Variants in KCNJ15 observed in about 807,000 individuals in gnomAD.
The protein encoded by KCNJ15 is ATP-sensitive inward rectifier potassium channel 15.
In KCNJ15, 14 loss-of-function variants were observed where a neutral mutation model predicts 23.0. The ratio of observed to expected loss-of-function variants is 0.61; its 90% CI spans 0.40 to 0.95. The LOEUF (loss-of-function observed/expected upper bound fraction) is 0.95, where lower values mean the gene tolerates loss of function less well. Ranked by LOEUF, KCNJ15 falls within the 40% of genes least tolerant of loss-of-function variation. The probability of loss-of-function intolerance (pLI) is 0.00; values close to 1 mark genes in which losing one functional copy is unlikely to be tolerated. For synonymous variants in KCNJ15, 185 were observed against 183.2 expected, an observed-to-expected ratio of 1.01 and a Z score of -0.08; for missense variants, 388 against 461.8, an observed-to-expected ratio of 0.84 and a Z score of 1.46.
At chr21:38,243,331 A>G (rs184536877) in intron 1 of KCNJ15, among the ~76,000 whole-genome samples, 1 of 152,256 alleles carries the variant, frequency 6.6e-6, no homozygotes, top group Non-Finnish European at 1.5e-5. Context: ...TTTCCCCAGA[A>G]AGCCTGTTTC....
chr21:38,230,126 T>C (rs1428452191), intron 1 of KCNJ15, among the ~76,000 whole-genome samples: 1 of 152,214 alleles, frequency 6.6e-6, no homozygotes, highest in African/African-American at 2.4e-5. Flanking sequence ...ATTTTTCTTT[T>C]TTTTAATGTT....
intron 1 of KCNJ15, among the ~76,000 whole-genome samples, chr21:38,292,559 A>G (rs1984712956): frequency 1.3e-5 from 2 of 152,324 alleles, no homozygotes; most frequent in Middle Eastern, 3.4e-3. Flanking sequence ...CACCTTTTCT[A>G]TGTTGTTCTT....
At chr21:38,282,477 C>T (rs1006332956) in intron 1 of KCNJ15, among the ~76,000 whole-genome samples, 2 of 152,128 alleles carry the variant, frequency 1.3e-5, no homozygotes, top group Admixed American at 1.3e-4. Flanking sequence ...CAAGATAGAA[C>T]ATTGTGGCAT....
chr21:38,304,366 T>C lies in KCNJ15; in HGVS notation c.*3977T>C, dbSNP rs1168386468. 6.6e-6 allele frequency: 1 copy of C among 151,278 alleles called. No homozygotes were observed. The highest frequency in any genetic ancestry group is 2.4e-5 in the African/African-American group (1 of 41,174). The allele number at this position is 151,278 out of a possible 1,614,324, so 9.4% of individuals were successfully genotyped here. ...ACATGCGGTGTTTGGTTTTCTGTCC[T>C]TGAGATAGTTTGCTGAGAATGATGG... On this transcript the variant is annotated 3_prime_UTR_variant, in exon 3 of 3. Coordinates refer to ENST00000398938, the MANE Select transcript of KCNJ15 (RefSeq NM_170736.3).
chr21:38,231,667 C>T (rs1441687013), intron 1 of KCNJ15, among the ~76,000 whole-genome samples: 1 of 150,306 alleles, frequency 6.7e-6, no homozygotes, highest in Non-Finnish European at 1.5e-5. Context: ...TTTTTTTTAT[C>T]ATAAATGGAT....
At chr21:38,238,920 T>C (rs947908996) in intron 1 of KCNJ15, among the ~76,000 whole-genome samples, 3 of 152,224 alleles carry the variant, frequency 2.0e-5, no homozygotes, top group African/African-American at 7.2e-5. Context: ...TGCTCCCTGC[T>C]TAAAAATAAT....
intron 1 of KCNJ15, among the ~76,000 whole-genome samples, chr21:38,244,455 C>A (rs1979229749): frequency 6.6e-6 from 1 of 152,174 alleles, no homozygotes; most frequent in Non-Finnish European, 1.5e-5. Flanking sequence ...GAATATAGAT[C>A]TATTGTCTTT....
intron 1 of KCNJ15, among the ~76,000 whole-genome samples, chr21:38,283,634 C>G (rs1983584532): frequency 6.6e-6 from 1 of 152,098 alleles, no homozygotes; most frequent in African/African-American, 2.4e-5. Flanking sequence ...CATACATTTC[C>G]TATTAAGTCT....
intron 1 of KCNJ15, among the ~76,000 whole-genome samples, chr21:38,240,932 A>G (rs764510892): frequency 1.3e-5 from 2 of 152,212 alleles, no homozygotes; most frequent in Non-Finnish European, 2.9e-5. Flanking sequence ...TTCTGCTTAT[A>G]ATAAAAATGA....
intron 1 of KCNJ15, among the ~76,000 whole-genome samples, chr21:38,284,017 C>T (rs1394612356): frequency 6.6e-6 from 1 of 152,140 alleles, no homozygotes; most frequent in Non-Finnish European, 1.5e-5. Context: ...GCTCAAATTC[C>T]ACTCGTTGGC....
upstream of KCNJ15, among the ~76,000 whole-genome samples, chr21:38,255,050 A>G (rs1980096514): frequency 6.6e-6 from 1 of 152,216 alleles, no homozygotes; most frequent in Admixed American, 6.5e-5. Flanking sequence ...GACAGGTACC[A>G]TTGAGCTCTA....
chr21:38,260,691 G>C (rs141696573), intron 1 of KCNJ15, among the ~76,000 whole-genome samples: 1 of 152,200 alleles, frequency 6.6e-6, no homozygotes, highest in Admixed American at 6.5e-5. Context: ...TACAAAACAC[G>C]CATGTGCCAG....
chr21:38,294,690 C>G (rs192621923), intron 1 of KCNJ15, among the ~76,000 whole-genome samples: 1 of 152,246 alleles, frequency 6.6e-6, no homozygotes, highest in Admixed American at 6.5e-5. Flanking sequence ...CTTGCTGTGT[C>G]CCCAACACTG....
At chr21:38,271,744 T>C (rs1009207) in intron 1 of KCNJ15, among the ~76,000 whole-genome samples, 121,456 of 152,128 alleles carry the variant, frequency 0.8, 49,180 homozygotes, top group African/African-American at 0.93. Context: ...GCCATCATTG[T>C]TCCATGCAGA....
intron 1 of KCNJ15, among the ~76,000 whole-genome samples, chr21:38,243,944 G>A (rs1979188713): frequency 6.6e-6 from 1 of 152,140 alleles, no homozygotes; most frequent in South Asian, 2.1e-4. Flanking sequence ...TGTTTCCACT[G>A]TGTTTCTGAG....
chr21:38,244,096 C>A (rs1351478256), intron 1 of KCNJ15, among the ~76,000 whole-genome samples: 1 of 152,088 alleles, frequency 6.6e-6, no homozygotes. Context: ...AGAAATGTAA[C>A]CGTCTTTTTA....
At chr21:38,234,680 A>C (rs1343471952) in intron 1 of KCNJ15, among the ~76,000 whole-genome samples, 1 of 152,262 alleles carries the variant, frequency 6.6e-6, no homozygotes, top group East Asian at 1.9e-4. Flanking sequence ...ATAGAGAACC[A>C]ACATGAATAT....
At position 38,289,520 on chromosome 21, in the gene KCNJ15, G is replaced by A. The variant is rs1229521145; in HGVS notation, c.-116-7406G>A. ...GGTCGAGGCAGGTGGATCACTTGAG[G>A]TCAGGAGTTCAAGACCAGCCTGGCC... On this transcript the variant is annotated intron_variant, in intron 1 of 2. Transcript: ENST00000398938. Among the ~76,000 whole-genome samples the A allele has an allele frequency of 3.3e-5, 5 of 152,204 alleles. No homozygotes were observed. In the Middle Eastern group the frequency reaches 0.01, roughly 311 times the overall value.
At chr21:38,282,590 T>C (rs1175550566) in intron 1 of KCNJ15, among the ~76,000 whole-genome samples, 3 of 152,196 alleles carry the variant, frequency 2.0e-5, no homozygotes, top group Non-Finnish European at 4.4e-5. Context: ...TGCCTAGCTG[T>C]GGACTGGATT....
Sources: allele counts gnomAD v4.1 joint callset (sites outside exome capture counted in the v4.1 genomes callset), GRCh38; gene constraint gnomAD v4.1.1; transcripts MANE v1.5; gene names NCBI Gene and HGNC (gene_info 2026-07-23, HGNC 2026-07-21).